UROC1: variants seen among roughly 807,000 people sequenced by gnomAD.
UROC1 encodes the protein urocanate hydratase.
A neutral mutation model predicts 89.5 loss-of-function variants in UROC1; 79 were observed. The ratio of observed to expected loss-of-function variants is 0.88; its 90% CI spans 0.74 to 1.06. UROC1 has a LOEUF of 1.06. UROC1 is among the 50% of genes least tolerant of loss of function. The probability of loss-of-function intolerance (pLI) is 0.00; values close to 1 mark genes in which losing one functional copy is unlikely to be tolerated. For missense variants in UROC1, 885 were observed against 907.8 expected, an observed-to-expected ratio of 0.97 and a Z score of 0.32; for synonymous variants, 361 against 354.8, an observed-to-expected ratio of 1.02 and a Z score of -0.20.
chr3:126,498,015 C>A, intron 14 of UROC1, 36 bp downstream of exon 14: 10 of 1,613,416 alleles, frequency 6.2e-6, no homozygotes, highest in Non-Finnish European at 8.5e-6. Context: ...TTTGGGGGGG[C>A]CACCCACCCA....
intron 18 of UROC1, among the ~76,000 whole-genome samples, chr3:126,486,751 C>T (rs1283381027): frequency 1.3e-5 from 2 of 152,198 alleles, no homozygotes; most frequent in Non-Finnish European, 2.9e-5. Flanking sequence ...TGGGGCGTCC[C>T]CTTGGAGTAG....
At chr3:126,498,758 C>T (rs1935842533) in intron 13 of UROC1, among the ~76,000 whole-genome samples, 1 of 152,152 alleles carries the variant, frequency 6.6e-6, no homozygotes, top group South Asian at 2.1e-4. Flanking sequence ...GCCTTTCTCA[C>T]CTCCATCTCT....
At chr3:126,501,596 G>A (rs1379848883) in intron 9 of UROC1, among the ~76,000 whole-genome samples, 1 of 152,256 alleles carries the variant, frequency 6.6e-6, no homozygotes, top group Non-Finnish European at 1.5e-5. Flanking sequence ...GATCTTTACA[G>A]AACCCACCCA....
chr3:126,485,508 G>A (rs1397645251), intron 18 of UROC1, among the ~76,000 whole-genome samples: 2 of 152,064 alleles, frequency 1.3e-5, no homozygotes, highest in Admixed American at 1.3e-4. Context: ...TCGGGGCAGA[G>A]GATCAGCGTC....
rs757340861 is a variant in UROC1 at position 126,496,108 on chromosome 3, A to G, written c.1439T>C (p.Val480Ala). The change falls in exon 15 of 20, where the codon GTG (valine) becomes GCG (alanine). Residue 480 changes from valine (V) to alanine (A), a missense_variant and splice_region_variant. By Grantham distance (64) the Val-to-Ala change is moderately conservative. Transcript: ENST00000290868. ...GTACTGCAGCTTCACAGACACCTTC[A>G]CTGCAGGAGAGAGGACAGCAGGCGT... ...SVLEEAIADG[V>A]KVSVKLQYMD... The G allele has an allele frequency of 6.2e-7, 1 of 1,612,674 alleles. No homozygotes were observed. The highest frequency in any genetic ancestry group is 8.5e-7 in the Non-Finnish European group (1 of 1,179,752).
At chr3:126,489,619 G>A (rs1935599574) in intron 16 of UROC1, among the ~76,000 whole-genome samples, 2 of 152,184 alleles carry the variant, frequency 1.3e-5, no homozygotes, top group African/African-American at 4.8e-5. Context: ...GTTCAGATAG[G>A]CACAACCATT....
In UROC1 at chr3:126,483,375, GGA is replaced by G. The variant is rs1167941508; in HGVS notation, c.1882_1883del (p.Ser628GlnfsTer16). On this transcript the variant is annotated frameshift_variant, in exon 19 of 20. Transcript: ENST00000290868. LOFTEE classifies it high-confidence loss of function. The stretch of plus-strand genomic sequence containing the variant: ...AAGGACTGGGCTGACTTACACCATT[GGA>G]GACATCCCAGCTGAGCATCAGCCTG... ...RARLMLSWDV[S>X]NGVARRCWSG... 6.2e-7 allele frequency: 1 copy of G among 1,613,044 alleles called. No individual in the cohort carries two copies. The highest frequency in any genetic ancestry group is 1.7e-5 in the Admixed American group (1 of 60,026).
At chr3:126,512,084 T>C (rs1936207722) in intron 1 of UROC1, among the ~76,000 whole-genome samples, 2 of 152,236 alleles carry the variant, frequency 1.3e-5, no homozygotes, top group Admixed American at 6.5e-5. Context: ...AAAGGCTCAC[T>C]CTCACTGGCC....
chr3:126,506,475 T>G (rs1309708895), intron 6 of UROC1, among the ~76,000 whole-genome samples: 2 of 152,254 alleles, frequency 1.3e-5, no homozygotes, highest in Non-Finnish European at 2.9e-5. Flanking sequence ...GACAGGGCCC[T>G]GCACTGTGCC....
intron 1 of UROC1, among the ~76,000 whole-genome samples, chr3:126,512,755 T>C (rs1280765539): frequency 6.6e-6 from 1 of 152,140 alleles, no homozygotes; most frequent in Non-Finnish European, 1.5e-5. Flanking sequence ...TAATGAACTT[T>C]TCAAACATGT....
At chr3:126,514,081 C>A (rs1028186452) in intron 1 of UROC1, among the ~76,000 whole-genome samples, 1 of 152,264 alleles carries the variant, frequency 6.6e-6, no homozygotes, top group South Asian at 2.1e-4. Flanking sequence ...ATAGCCACCT[C>A]TTCCAAGAAG....
rs1935403080 is a variant in UROC1, at chr3:126,482,161, G to A, written c.*184C>T. 1 of 773,042 alleles carries A rather than the reference G, an allele frequency of 1.3e-6. No individual in the cohort carries two copies. The highest frequency in any genetic ancestry group is 2.1e-6 in the Non-Finnish European group (1 of 485,652). The allele number at this position is 773,042 out of a possible 1,614,324, so 47.9% of individuals were successfully genotyped here. A position where few individuals can be genotyped will look rare whatever the true frequency, so the allele number is the denominator to read the frequency against. On this transcript the variant is annotated 3_prime_UTR_variant, in exon 20 of 20. Coordinates refer to ENST00000290868, the MANE Select transcript of UROC1 (RefSeq NM_144639.3). ...GTGGACAGAGAGCTGCATGTCTCTG[G>A]GCCTCAGGGGGCTGTCTGTAAAATG...
At position 126,496,062 on chromosome 3, in the gene UROC1, G is replaced by C. The variant is rs1397656498; in HGVS notation, c.1485C>G (p.Ile495Met). 1 of 1,613,416 alleles carries C rather than the reference G, an allele frequency of 6.2e-7. No individual in the cohort carries two copies. The highest frequency in any genetic ancestry group is 8.5e-7 in the Non-Finnish European group (1 of 1,179,996). Residue 495 changes from isoleucine (I) to methionine (M), a missense_variant, in exon 15 of 20, where the codon ATC becomes ATG. By Grantham distance (10) the Ile-to-Met change is conservative. Transcript: ENST00000290868. ...KLQYMDNIRW[I>M]REAARHRLVV... ...CCAGCCGGTGCCTGGCGGCCTCCCG[G>C]ATCCAGCGGATGTTGTCCATGTACT...
chr3:126,501,343 C>A (rs762193682), intron 9 of UROC1, 63 bp from the exon 10 acceptor site: 7 of 1,590,956 alleles, frequency 4.4e-6, no homozygotes, highest in African/African-American at 1.3e-5. Context: ...CCCAGACACA[C>A]CTGCACCCCA....
chr3:126,502,372 G>T (rs1560123222), intron 9 of UROC1, among the ~76,000 whole-genome samples: 1 of 151,752 alleles, frequency 6.6e-6, no homozygotes, highest in African/African-American at 2.4e-5. Flanking sequence ...GCATGTTTGT[G>T]TACATGTGTT....
At chr3:126,500,270 T>G (rs1337817520) in intron 11 of UROC1, 116 bp from the exon 12 acceptor site, 3 of 987,536 alleles carry the variant, frequency 3.0e-6, no homozygotes, top group Non-Finnish European at 1.6e-6. Flanking sequence ...CTGCCTGGAC[T>G]GCTCCTGCTC....
At chr3:126,487,149 C>T (rs1341804209) in intron 18 of UROC1, among the ~76,000 whole-genome samples, 2 of 152,156 alleles carry the variant, frequency 1.3e-5, no homozygotes, top group Non-Finnish European at 2.9e-5. Context: ...GGTGTGCACT[C>T]TTCCTCGGCC....
chr3:126,499,877 G>A (rs909631001), intron 12 of UROC1, among the ~76,000 whole-genome samples, 180 bp downstream of exon 12: 1 of 152,148 alleles, frequency 6.6e-6, no homozygotes. Flanking sequence ...CAGAGAGGCT[G>A]AGCCACCTGG....
At chr3:126,508,682 A>T (rs1304271073) in intron 3 of UROC1, among the ~76,000 whole-genome samples, 1 of 152,144 alleles carries the variant, frequency 6.6e-6, no homozygotes, top group South Asian at 2.1e-4. Context: ...TCAGGGGCAG[A>T]TCTGGGTCTG....
Sources: allele counts gnomAD v4.1 joint callset (sites outside exome capture counted in the v4.1 genomes callset), GRCh38; gene constraint gnomAD v4.1.1; transcripts MANE v1.5; gene names NCBI Gene and HGNC (gene_info 2026-07-23, HGNC 2026-07-21).